Variants in SPPL2A observed in about 807,000 individuals in gnomAD.
The protein encoded by SPPL2A is signal peptide peptidase like 2A, also known as signal peptide peptidase-like 2A.
A neutral mutation model predicts 63.8 loss-of-function variants in SPPL2A; 51 were observed. The observed-to-expected ratio is 0.80, with a 90% CI of 0.64 to 1.01. The LOEUF is 1.01. Ranked by LOEUF, SPPL2A falls within the 50% of genes least tolerant of loss-of-function variation. The pLI, the probability that SPPL2A is intolerant of heterozygous loss-of-function variation, is 0.00. For synonymous variants in SPPL2A, 188 were observed against 205.8 expected, an observed-to-expected ratio of 0.91 and a Z score of 0.74; for missense variants, 553 against 622.7, an observed-to-expected ratio of 0.89 and a Z score of 1.19.
In SPPL2A at chr15:50,726,468, C is replaced by T. The variant is rs1055015769; in HGVS notation, c.1090-91G>A. The T allele has an allele frequency of 5.2e-6, 6 of 1,163,972 alleles. No individual in the cohort carries two copies. In the African/African-American group the frequency reaches 9.2e-5, roughly 18 times the overall value. 72.1% of individuals were successfully genotyped at this position (1,163,972 alleles called of 1,614,324 possible). ...GTGATTTAAGCCCCATGGCATATGGCCAGTTACACTGATTGAAAATGGGCT... is the reference window on the plus strand; with the variant it reads ...GTGATTTAAGCCCCATGGCATATGGTCAGTTACACTGATTGAAAATGGGCT... On this transcript the variant is annotated intron_variant, in intron 10 of 14. Coordinates refer to ENST00000261854, the MANE Select transcript of SPPL2A (RefSeq NM_032802.4).
At chr15:50,728,235 G>A (rs916135931) in intron 10 of SPPL2A, among the ~76,000 whole-genome samples, 2 of 152,192 alleles carry the variant, frequency 1.3e-5, no homozygotes, top group Non-Finnish European at 2.9e-5. Context: ...GCTTTGTAGA[G>A]GGAACATTTC....
At chr15:50,747,005 T>A (rs79563377) in intron 5 of SPPL2A, among the ~76,000 whole-genome samples, 1 of 152,170 alleles carries the variant, frequency 6.6e-6, no homozygotes, top group Non-Finnish European at 1.5e-5. Context: ...AGTACCATTT[T>A]AGTTGGCCTG....
intron 5 of SPPL2A, among the ~76,000 whole-genome samples, chr15:50,740,530 CATA>C (rs1478781770): frequency 6.6e-6 from 1 of 150,462 alleles, no homozygotes; most frequent in African/African-American, 2.4e-5. Flanking sequence ...ATTATATTGA[CATA>C]ATAAATTTCA....
At chr15:50,752,884 G>C (rs2062922190) in intron 1 of SPPL2A, among the ~76,000 whole-genome samples, 1 of 152,064 alleles carries the variant, frequency 6.6e-6, no homozygotes, top group Admixed American at 6.6e-5. Flanking sequence ...ATCAGGATCT[G>C]GGTCTTAACT....
At chr15:50,743,171 T>G (rs2062835586) in intron 5 of SPPL2A, 1 of 152,134 alleles carries the variant, frequency 6.6e-6, no homozygotes, top group Non-Finnish European at 1.5e-5. Flanking sequence ...CTGGGGAAGG[T>G]GAAGCAGGAG....
At chr15:50,727,329 G>A (rs1299902125) in intron 10 of SPPL2A, among the ~76,000 whole-genome samples, 2 of 152,180 alleles carry the variant, frequency 1.3e-5, no homozygotes, top group Non-Finnish European at 2.9e-5. Context: ...TGAGCAGAAA[G>A]GAGGATAAAA....
chr15:50,751,484 C>G (rs925241128), intron 1 of SPPL2A, among the ~76,000 whole-genome samples: 4 of 152,202 alleles, frequency 2.6e-5, no homozygotes, highest in East Asian at 1.9e-4. Context: ...GGAAAGAATG[C>G]TTCATAAGTG....
intron 1 of SPPL2A, among the ~76,000 whole-genome samples, chr15:50,750,617 G>C (rs3809501): frequency 1.3e-5 from 2 of 151,988 alleles, no homozygotes; most frequent in Non-Finnish European, 2.9e-5. Flanking sequence ...AAAGAAAAGC[G>C]TTGTCTCATT....
chr15:50,726,998 T>C (rs1435612278), intron 10 of SPPL2A, among the ~76,000 whole-genome samples: 1 of 152,158 alleles, frequency 6.6e-6, no homozygotes, highest in African/African-American at 2.4e-5. Flanking sequence ...AACATTAACC[T>C]TAGCTAAATT....
chr15:50,712,506 CCT>C (rs1238880014), intron 14 of SPPL2A, among the ~76,000 whole-genome samples: 1 of 152,050 alleles, frequency 6.6e-6, no homozygotes, highest in African/African-American at 2.4e-5. Context: ...ATCAAGTCTC[CCT>C]CTGTCTCACC....
At chr15:50,711,115 G>A (rs920552832) in intron 14 of SPPL2A, among the ~76,000 whole-genome samples, 1 of 151,676 alleles carries the variant, frequency 6.6e-6, no homozygotes, top group Non-Finnish European at 1.5e-5. Flanking sequence ...AGCTCTTGAA[G>A]CATTCCACAA....
At chr15:50,746,664 CTTTTTTTTT>C (rs35816281) in intron 5 of SPPL2A, 9 of 116,482 alleles carry the variant, frequency 7.7e-5, no homozygotes, top group African/African-American at 2.4e-4. Flanking sequence ...TAATTATTTA[CTTTTTTTTT>C]TTTTTTTTTT....
rs772786998 is a variant in SPPL2A, at chr15:50,739,724, C to T, written c.689G>A (p.Cys230Tyr). The T allele has an allele frequency of 1.5e-5, 24 of 1,600,896 alleles. No individual in the cohort carries two copies. Among genetic ancestry groups the T allele is most frequent in the Admixed American group, 1.4e-4 (8 of 57,056 alleles). ...ATAAAGTAAGACCATCATAACACAG[C>T]AGATGACCACAAATATTACAACTGT... The part of the protein sequence containing the change: ...PLTVVIFVVI[C>Y]CVMMVLLYFF... Residue 230 changes from cysteine to tyrosine, a missense_variant, in exon 6 of 15, where the codon TGC becomes TAC. Coordinates refer to ENST00000261854, the MANE Select transcript of SPPL2A (RefSeq NM_032802.4).
Position 50,707,139 on chromosome 15 carries a change from G to GGC in SPPL2A, c.*660_*661insGC, listed in dbSNP as rs2062515444. ...AATTTGCATAAATCTTTTTTTTTGG[G>GGC]ATGGAGTCTCACTCTGTCGCCCAGG... On this transcript the variant is annotated 3_prime_UTR_variant, in exon 15 of 15. Coordinates refer to ENST00000261854, the MANE Select transcript of SPPL2A (RefSeq NM_032802.4). 6.6e-6 allele frequency: 1 copy of GGC among 151,732 alleles called. No individual in the cohort carries two copies. Among genetic ancestry groups the GGC allele is most frequent in the Non-Finnish European group, 1.5e-5 (1 of 67,980 alleles). The allele number at this position is 151,732 out of a possible 1,614,324, so 9.4% of individuals were successfully genotyped here.
chr15:50,759,567 C>G (rs907226279), intron 1 of SPPL2A, among the ~76,000 whole-genome samples: 16 of 152,142 alleles, frequency 1.1e-4, no homozygotes, highest in African/African-American at 3.9e-4. Context: ...CACGGTGAAA[C>G]CCCGTCTCTA....
intron 5 of SPPL2A, among the ~76,000 whole-genome samples, chr15:50,741,646 A>G (rs1370116994): frequency 6.6e-6 from 1 of 152,170 alleles, no homozygotes; most frequent in Non-Finnish European, 1.5e-5. Flanking sequence ...GAAAGCATAC[A>G]GTGTACTAGA....
rs918454523 is a variant in SPPL2A, at chr15:50,707,894, G to A, written c.1489-20C>T. 1.0e-5 allele frequency: 14 copies of A among 1,404,626 alleles called. No individual in the cohort carries two copies. The highest frequency in any genetic ancestry group is 7.1e-5 in the African/African-American group (5 of 70,388). The allele number at this position is 1,404,626 out of a possible 1,614,324, so 87.0% of individuals were successfully genotyped here. A position where few individuals can be genotyped will look rare whatever the true frequency, so the allele number is the denominator to read the frequency against. On this transcript the variant is annotated intron_variant, in intron 14 of 14. Coordinates refer to ENST00000261854, the MANE Select transcript of SPPL2A (RefSeq NM_032802.4). The stretch of plus-strand genomic sequence containing the variant: ...CATCATCTAGGCATAAATAAAAGAC[G>A]TTAGGAAATGCAAAATTTCAACTTG...
intron 7 of SPPL2A, 42 bp from the exon 8 acceptor site, chr15:50,736,244 C>A: frequency 8.8e-7 from 1 of 1,131,882 alleles, no homozygotes; most frequent in African/African-American, 1.5e-5. Flanking sequence ...AGATGAAGTA[C>A]AATGTTCACT....
intron 1 of SPPL2A, among the ~76,000 whole-genome samples, chr15:50,752,164 C>T (rs976563955): frequency 1.3e-5 from 2 of 152,000 alleles, no homozygotes; most frequent in African/African-American, 4.8e-5. Context: ...TTACTCTCTC[C>T]CCTACCATCT....
Sources: allele counts gnomAD v4.1 joint callset (sites outside exome capture counted in the v4.1 genomes callset), GRCh38; gene constraint gnomAD v4.1.1; transcripts MANE v1.5; gene names NCBI Gene and HGNC (gene_info 2026-07-23, HGNC 2026-07-21).